CDH12: variants seen among roughly 807,000 people sequenced by gnomAD.
The protein encoded by CDH12 is cadherin 12.
In CDH12, 41 loss-of-function variants were observed where a neutral mutation model predicts 74.1. The observed-to-expected ratio is 0.55, with a 90% CI of 0.43 to 0.72. The LOEUF is 0.72. Ranked by LOEUF, CDH12 falls within the 30% of genes least tolerant of loss-of-function variation. The pLI is 0.00. For missense variants in CDH12, 945 were observed against 977.2 expected (o/e 0.97, Z 0.44); for synonymous variants, 399 against 355.0 (o/e 1.12, Z -1.39).
intron 1 of CDH12, among the ~76,000 whole-genome samples, chr5:22,822,277 T>C (rs1749743893): frequency 6.6e-6 from 1 of 151,992 alleles, no homozygotes; most frequent in Admixed American, 6.6e-5. Flanking sequence ...ACCATAAAAA[T>C]CCTAGAAGAA....
intron 2 of CDH12, among the ~76,000 whole-genome samples, chr5:22,415,076 C>A (rs1334661117): frequency 6.6e-6 from 1 of 152,006 alleles, no homozygotes; most frequent in Non-Finnish European, 1.5e-5. Flanking sequence ...TTAGACTTTG[C>A]AGATTAGCAT....
chr5:22,195,246 C>T (rs1365507256), intron 4 of CDH12, among the ~76,000 whole-genome samples: 3 of 152,114 alleles, frequency 2.0e-5, no homozygotes, highest in Non-Finnish European at 4.4e-5. Context: ...ATAATAACCT[C>T]CTCAGCAGTA....
At chr5:22,787,825 G>T (rs1416032145) in intron 1 of CDH12, among the ~76,000 whole-genome samples, 1 of 152,054 alleles carries the variant, frequency 6.6e-6, no homozygotes, top group African/African-American at 2.4e-5. Context: ...CTTTGTCTTA[G>T]GCCAGTTCGA....
intron 1 of CDH12, among the ~76,000 whole-genome samples, chr5:22,681,866 C>T (rs1741510775): frequency 6.6e-6 from 1 of 151,868 alleles, no homozygotes; most frequent in Admixed American, 6.6e-5. Context: ...GCATATTTCA[C>T]TATGAAATAG....
intron 6 of CDH12, among the ~76,000 whole-genome samples, chr5:21,902,726 T>G (rs1004213130): frequency 2.0e-4 from 30 of 152,272 alleles, no homozygotes; most frequent in African/African-American, 7.2e-4. Context: ...CTAATATAAA[T>G]AAGAAACTAA....
At chr5:22,686,614 A>T (rs552146924) in intron 1 of CDH12, among the ~76,000 whole-genome samples, 1 of 152,278 alleles carries the variant, frequency 6.6e-6, no homozygotes, top group East Asian at 1.9e-4. Flanking sequence ...TCTCAGCAAC[A>T]TTTCTTGAAG....
At chr5:22,000,085 A>G in intron 5 of CDH12, among the ~76,000 whole-genome samples, 1 of 151,990 alleles carries the variant, frequency 6.6e-6, no homozygotes, top group East Asian at 1.9e-4. Flanking sequence ...GTCACAGTGT[A>G]GAAATGTGAC....
chr5:22,258,271 G>A (rs975629739), intron 3 of CDH12, among the ~76,000 whole-genome samples: 1 of 152,092 alleles, frequency 6.6e-6, no homozygotes, highest in African/African-American at 2.4e-5. Context: ...TTGGCCTGAA[G>A]CTTGTCTCAG....
chr5:22,117,478 T>TATATATAA (rs1554012020), intron 4 of CDH12, among the ~76,000 whole-genome samples: 4 of 68,288 alleles, frequency 5.9e-5, no homozygotes, highest in African/African-American at 2.4e-4. Flanking sequence ...AATATATATA[T>TATATATAA]TATATATATA....
intron 6 of CDH12, among the ~76,000 whole-genome samples, chr5:21,876,220 C>A (rs1235903104): frequency 6.6e-6 from 1 of 152,048 alleles, no homozygotes; most frequent in Admixed American, 6.6e-5. Flanking sequence ...ATGGTTGAGA[C>A]AAATCTCTTT....
intron 3 of CDH12, among the ~76,000 whole-genome samples, chr5:22,256,942 GA>G (rs771082056): frequency 2.4e-4 from 36 of 151,990 alleles, no homozygotes; most frequent in Non-Finnish European, 5.0e-4. Context: ...ATCAATGATA[GA>G]ATACAAAGAA....
chr5:22,693,637 C>G (rs938611247), intron 1 of CDH12, among the ~76,000 whole-genome samples: 1 of 151,968 alleles, frequency 6.6e-6, no homozygotes, highest in African/African-American at 2.4e-5. Context: ...ACATTGTTTA[C>G]AGAGATAATG....
At chr5:22,749,401 A>G (rs979572628) in intron 1 of CDH12, among the ~76,000 whole-genome samples, 1 of 152,244 alleles carries the variant, frequency 6.6e-6, no homozygotes, top group Non-Finnish European at 1.5e-5. Flanking sequence ...GAAGTATAAA[A>G]TAACATAATT....
chr5:22,587,046 G>C (rs1740440593), intron 1 of CDH12, among the ~76,000 whole-genome samples: 1 of 151,896 alleles, frequency 6.6e-6, no homozygotes, highest in African/African-American at 2.4e-5. Context: ...ATGTTGACCA[G>C]GCTGGTCTCG....
intron 6 of CDH12, among the ~76,000 whole-genome samples, chr5:21,958,834 C>T (rs1386423025): frequency 1.3e-5 from 2 of 152,128 alleles, no homozygotes; most frequent in African/African-American, 4.8e-5. Context: ...TGAAGAATGT[C>T]ATTGGTAGTT....
chr5:21,944,418 T>C (rs1755476981), intron 6 of CDH12, among the ~76,000 whole-genome samples: 1 of 152,212 alleles, frequency 6.6e-6, no homozygotes, highest in African/African-American at 2.4e-5. Context: ...TGTTACATGC[T>C]ATTTCACTCA....
In CDH12 at chr5:22,742,434, A is replaced by T. The variant is rs113116652; in HGVS notation, c.-523+110624T>A. 7.2e-3 allele frequency among the ~76,000 whole-genome samples: 1,101 copies of T among 152,230 alleles called. 13 individuals are homozygous for T. Among genetic ancestry groups the T allele is most frequent in the African/African-American group, 0.025 (1,050 of 41,544 alleles). On this transcript the variant is annotated intron_variant, in intron 1 of 14. Coordinates refer to ENST00000382254, the MANE Select transcript of CDH12 (RefSeq NM_004061.5). Reference sequence around the variant, plus strand: ...ACCACATGGCTTGCTCTAAAAAGAAAGCTGGTGAAGAATCAGACTGGACCT... The same window carrying T: ...ACCACATGGCTTGCTCTAAAAAGAATGCTGGTGAAGAATCAGACTGGACCT...
At chr5:22,369,746 T>A (rs922708085) in intron 3 of CDH12, among the ~76,000 whole-genome samples, 1 of 152,140 alleles carries the variant, frequency 6.6e-6, no homozygotes, top group Admixed American at 6.5e-5. Flanking sequence ...AAGAGTAAAA[T>A]TTACAGGCAA....
At chr5:22,367,934 TAA>T (rs1179000819) in intron 3 of CDH12, among the ~76,000 whole-genome samples, 1 of 152,096 alleles carries the variant, frequency 6.6e-6, no homozygotes, top group Admixed American at 6.6e-5. Flanking sequence ...TTCCTGAAAA[TAA>T]ATAAACTATA....
Sources: allele counts gnomAD v4.1 joint callset (sites outside exome capture counted in the v4.1 genomes callset), GRCh38; gene constraint gnomAD v4.1.1; transcripts MANE v1.5; gene names NCBI Gene and HGNC (gene_info 2026-07-23, HGNC 2026-07-21).